Variants in ARPC1A observed in about 807,000 individuals in gnomAD.
The protein encoded by ARPC1A is actin related protein 2/3 complex subunit 1A, also known as actin-related protein 2/3 complex subunit 1A.
ARPC1A carries 8 observed loss-of-function variants against 46.9 expected under a neutral mutation model. The observed-to-expected ratio is 0.17, with a 90% CI of 0.10 to 0.31. The LOEUF (loss-of-function observed/expected upper bound fraction) is 0.31, where lower values mean the gene tolerates loss of function less well. Ranked by LOEUF, ARPC1A falls within the 10% of genes least tolerant of loss-of-function variation. The probability of loss-of-function intolerance (pLI) is 1.00; values close to 1 mark genes in which losing one functional copy is unlikely to be tolerated. For missense variants in ARPC1A, 286 were observed against 483.6 expected, an observed-to-expected ratio of 0.59 and a Z score of 3.83; for synonymous variants, 152 against 169.0, an observed-to-expected ratio of 0.90 and a Z score of 0.78.
intron 5 of ARPC1A, among the ~76,000 whole-genome samples, chr7:99,349,724 C>T (rs1395926724): frequency 1.3e-5 from 2 of 152,136 alleles, no homozygotes; most frequent in Non-Finnish European, 2.9e-5. Context: ...CCTGTAGTCC[C>T]AGCTACTCGG....
At chr7:99,339,368 T>C (rs1793322382) in intron 3 of ARPC1A, among the ~76,000 whole-genome samples, 1 of 152,096 alleles carries the variant, frequency 6.6e-6, no homozygotes, top group African/African-American at 2.4e-5. Context: ...GGCAACATAA[T>C]GAGACCCCCC....
At chr7:99,338,579 T>C (rs904376950) in intron 3 of ARPC1A, among the ~76,000 whole-genome samples, 6 of 151,592 alleles carry the variant, frequency 4.0e-5, no homozygotes, top group Non-Finnish European at 7.4e-5. Flanking sequence ...TAGAGATAGG[T>C]TTCACCATGT....
intron 2 of ARPC1A, among the ~76,000 whole-genome samples, chr7:99,333,974 GA>G (rs897355621): frequency 7.7e-5 from 11 of 143,256 alleles, no homozygotes; most frequent in Non-Finnish European, 1.5e-4. Flanking sequence ...CTGTCTCTAC[GA>G]AAAAAAATAG....
At chr7:99,343,245 C>T (rs890955417) in intron 3 of ARPC1A, among the ~76,000 whole-genome samples, 5 of 151,948 alleles carry the variant, frequency 3.3e-5, no homozygotes, top group African/African-American at 1.2e-4. Context: ...ACAGGCAGAT[C>T]GCCTGAAGTC....
rs1264985190 is a variant in ARPC1A, at chr7:99,344,316, G to A, written c.193G>A (p.Asp65Asn). Residue 65 changes from aspartate (D) to asparagine (N), a missense_variant, in exon 4 of 10, where the codon GAC becomes AAC. By Grantham distance (23) the Asp-to-Asn change is conservative. This residue lies in a region of ARPC1A where 38 missense variants were observed against 95.8 expected (regional missense o/e 0.40). Transcript: ENST00000262942. ...AGGTATTGACTGGGCTCCCAAGAGC[G>A]ACCGCATTGTCACTTGTGGGGCAGA... ...ITGIDWAPKS[D>N]RIVTCGADRN... 8.7e-6 allele frequency: 14 copies of A among 1,613,964 alleles called. No individual in the cohort carries two copies. The highest frequency in any genetic ancestry group is 1.7e-5 in the Admixed American group (1 of 60,000).
At chr7:99,358,536 CTTTTTTTTT>C (rs5886103) in intron 7 of ARPC1A, 121 bp downstream of exon 7, 13 of 319,812 alleles carry the variant, frequency 4.1e-5, no homozygotes, top group African/African-American at 2.5e-4. Flanking sequence ...ACAGAGCTCA[CTTTTTTTTT>C]TTTTTTTTTT....
Position 99,365,982 on chromosome 7 carries a change from G to A in ARPC1A, c.*53G>A. 1 of 1,540,062 alleles carries A rather than the reference G, an allele frequency of 6.5e-7. No homozygotes were observed. Among genetic ancestry groups the A allele is most frequent in the Non-Finnish European group, 8.8e-7 (1 of 1,135,870 alleles). The stretch of plus-strand genomic sequence containing the variant: ...TGACAAACTGTGGCCGACCGCAGCT[G>A]TGCCGTGGCACGATGGCGAGGAAGC... On this transcript the variant is annotated 3_prime_UTR_variant, in exon 10 of 10. Transcript: ENST00000262942.
chr7:99,350,004 C>A (rs1298908142), intron 5 of ARPC1A, among the ~76,000 whole-genome samples: 2 of 152,058 alleles, frequency 1.3e-5, no homozygotes, highest in African/African-American at 4.8e-5. Flanking sequence ...GAGTAAGACT[C>A]CATCTCAAAA....
intron 5 of ARPC1A, among the ~76,000 whole-genome samples, chr7:99,353,497 G>A (rs1327780062): frequency 9.1e-6 from 1 of 109,934 alleles, no homozygotes; most frequent in Non-Finnish European, 1.7e-5. Context: ...TATTTATTGA[G>A]AAGGAGTTTC....
rs1017475368 is a variant in ARPC1A at position 99,348,013 on chromosome 7, A to G, written c.393-839A>G. Among the ~76,000 whole-genome samples, 12 of 152,094 alleles carry G rather than the reference A, an allele frequency of 7.9e-5. 1 individual carries two copies. Among genetic ancestry groups the G allele is most frequent in the Admixed American group, 7.9e-4 (12 of 15,254 alleles). On this transcript the variant is annotated intron_variant, in intron 4 of 9. Coordinates refer to ENST00000262942, the MANE Select transcript of ARPC1A (RefSeq NM_006409.4). The stretch of plus-strand genomic sequence containing the variant: ...AAATACTGACTGGTCCTAGACATAA[A>G]TCATCTTTTTTGGATGGTGCTAGCG...
At chr7:99,347,242 T>A (rs1793469658) in intron 4 of ARPC1A, among the ~76,000 whole-genome samples, 1 of 152,056 alleles carries the variant, frequency 6.6e-6, no homozygotes, top group South Asian at 2.1e-4. Flanking sequence ...GCTAATTTTT[T>A]GATTACTTGT....
intron 5 of ARPC1A, among the ~76,000 whole-genome samples, chr7:99,349,712 T>G (rs1193565645): frequency 6.6e-6 from 1 of 151,842 alleles, no homozygotes; most frequent in Admixed American, 6.6e-5. Flanking sequence ...TGGTGGCGGG[T>G]GCCTGTAGTC....
chr7:99,350,196 T>C (rs1793524451), intron 5 of ARPC1A, among the ~76,000 whole-genome samples: 1 of 152,122 alleles, frequency 6.6e-6, no homozygotes, highest in African/African-American at 2.4e-5. Flanking sequence ...TAAGAATATC[T>C]ATGGTTTAGA....
chr7:99,339,855 C>A, intron 3 of ARPC1A: 2 of 386,592 alleles, frequency 5.2e-6, no homozygotes, highest in Non-Finnish European at 1.1e-5. Context: ...GTTAATACCA[C>A]AGGGTATGCA....
At chr7:99,338,900 C>T (rs1400103508) in intron 3 of ARPC1A, among the ~76,000 whole-genome samples, 3 of 152,126 alleles carry the variant, frequency 2.0e-5, no homozygotes, top group Non-Finnish European at 4.4e-5. Context: ...AAAATGTAGA[C>T]AACACGAAAA....
At chr7:99,357,440 C>T (rs1280259766) in intron 6 of ARPC1A, among the ~76,000 whole-genome samples, 1 of 151,858 alleles carries the variant, frequency 6.6e-6, no homozygotes, top group Non-Finnish European at 1.5e-5. Flanking sequence ...CCCACCTCAG[C>T]CTCTCAAGCA....
Position 99,359,690 on chromosome 7 carries a change from C to T in ARPC1A, c.935C>T (p.Thr312Ile). 6.2e-7 allele frequency: 1 copy of T among 1,614,220 alleles called. No individual in the cohort carries two copies. Among genetic ancestry groups the T allele is most frequent in the Non-Finnish European group, 8.5e-7 (1 of 1,180,054 alleles). The change falls in exon 8 of 10, where the codon ACT becomes ATT. Residue 312 changes from threonine to isoleucine, a missense_variant. By Grantham distance (89) the Thr-to-Ile change is moderately conservative (BLOSUM62 -1). Around this residue, in one of 5 missense-constraint regions of ARPC1A, gnomAD observed 182 missense variants for 276.7 expected, o/e 0.66. Transcript: ENST00000262942. ...RFRNMDKRATTEDRNTALETL... is the reference protein window; with the variant it reads ...RFRNMDKRATIEDRNTALETL... ...CGCAACATGGACAAGAGAGCCACAA[C>T]TGAGGACCGCAACACGGCCTTGGAG...
chr7:99,340,288 G>A (rs1371511090), intron 3 of ARPC1A, among the ~76,000 whole-genome samples: 2 of 151,940 alleles, frequency 1.3e-5, no homozygotes, highest in Non-Finnish European at 2.9e-5. Flanking sequence ...TCAGCCTCCC[G>A]AGTTGCTGGG....
At chr7:99,353,212 G>A (rs1262536499) in intron 5 of ARPC1A, among the ~76,000 whole-genome samples, 1 of 151,962 alleles carries the variant, frequency 6.6e-6, no homozygotes, top group Non-Finnish European at 1.5e-5. Flanking sequence ...AGCCTGGAGT[G>A]CAGTGGCGCA....
Sources: gnomAD v4.1 joint callset for allele counts (sites outside exome capture counted in the v4.1 genomes callset) on GRCh38, gnomAD v4.1.1 for gene constraint, gnomAD v4.1.1 regional missense constraint, MANE v1.5 for transcripts, NCBI Gene and HGNC (gene_info 2026-07-23, HGNC 2026-07-21) for gene names.